GRM1: variants seen among roughly 807,000 people sequenced by gnomAD.
The protein encoded by GRM1 is metabotropic glutamate receptor 1.
A neutral mutation model predicts 90.9 loss-of-function variants in GRM1; 33 were observed. That is an observed-to-expected ratio of 0.36 (90% CI 0.28 to 0.49). The LOEUF (loss-of-function observed/expected upper bound fraction) is 0.49. Among genes scored for constraint, GRM1 ranks in the 20% least tolerant of loss-of-function variants. The pLI is 0.99. For synonymous variants in GRM1, 700 were observed against 613.2 expected (o/e 1.14, Z -2.09); for missense variants, 1,190 against 1,534.3 (o/e 0.78, Z 3.75).
chr6:146,190,727 C>T (rs1430481525), intron 2 of GRM1, among the ~76,000 whole-genome samples: 1 of 152,122 alleles, frequency 6.6e-6, no homozygotes, highest in Non-Finnish European at 1.5e-5. Context: ...CATCTCCATC[C>T]GTATTGCCAC....
intron 3 of GRM1, among the ~76,000 whole-genome samples, chr6:146,328,802 G>T (rs1172874008): frequency 6.6e-6 from 1 of 152,010 alleles, no homozygotes; most frequent in Non-Finnish European, 1.5e-5. Flanking sequence ...TCATCTCAGG[G>T]GAAATTTTTA....
chr6:146,170,242 C>T (rs189051454), intron 2 of GRM1, among the ~76,000 whole-genome samples: 41 of 152,152 alleles, frequency 2.7e-4, no homozygotes, highest in Non-Finnish European at 4.3e-4. Context: ...TATGCTGAGC[C>T]TTAATCTTCT....
intron 2 of GRM1, among the ~76,000 whole-genome samples, chr6:146,198,038 C>T (rs979967122): frequency 2.0e-5 from 3 of 152,148 alleles, no homozygotes; most frequent in South Asian, 2.1e-4. Flanking sequence ...TACAAGGACA[C>T]TTGGGGAGGT....
At chr6:146,125,701 CT>C (rs1461703846) in intron 1 of GRM1, among the ~76,000 whole-genome samples, 1 of 152,052 alleles carries the variant, frequency 6.6e-6, no homozygotes, top group African/African-American at 2.4e-5. Context: ...TTCCCCCCTC[CT>C]TTTCTCCATT....
At chr6:146,031,216 C>G (rs1313875515) in intron 1 of GRM1, among the ~76,000 whole-genome samples, 1 of 152,158 alleles carries the variant, frequency 6.6e-6, no homozygotes, top group Non-Finnish European at 1.5e-5. Flanking sequence ...CTCAGCTACT[C>G]TTAAGTCCCC....
intron 1 of GRM1, among the ~76,000 whole-genome samples, chr6:146,109,180 T>A (rs1291463267): frequency 1.3e-5 from 2 of 152,150 alleles, no homozygotes; most frequent in African/African-American, 4.8e-5. Context: ...GGGGAAAATG[T>A]CTCCAGAGCA....
chr6:146,257,847 A>G (rs1781543511), intron 2 of GRM1, among the ~76,000 whole-genome samples: 2 of 152,160 alleles, frequency 1.3e-5, no homozygotes, highest in African/African-American at 4.8e-5. Flanking sequence ...TGCAAATTTT[A>G]TTGGGAAACA....
At chr6:146,143,651 A>G (rs1776980914) in intron 1 of GRM1, among the ~76,000 whole-genome samples, 1 of 152,226 alleles carries the variant, frequency 6.6e-6, no homozygotes, top group South Asian at 2.1e-4. Flanking sequence ...CTGCACAACA[A>G]ATGCTTTCTC....
intron 3 of GRM1, among the ~76,000 whole-genome samples, chr6:146,326,716 A>G (rs1416877581): frequency 6.6e-6 from 1 of 152,228 alleles, no homozygotes; most frequent in Admixed American, 6.5e-5. Flanking sequence ...ATTAGCTAAC[A>G]ACATTGTAAA....
At chr6:146,382,799 CTG>C (rs1237000767) in intron 5 of GRM1, among the ~76,000 whole-genome samples, 2 of 152,048 alleles carry the variant, frequency 1.3e-5, no homozygotes, top group Non-Finnish European at 2.9e-5. Context: ...CATTTATTGG[CTG>C]TGTGTTATTG....
chr6:146,206,767 G>C (rs1779508409), intron 2 of GRM1, among the ~76,000 whole-genome samples: 1 of 151,846 alleles, frequency 6.6e-6, no homozygotes. Flanking sequence ...GTACTTTTGG[G>C]TACCCAGTTA....
intron 5 of GRM1, among the ~76,000 whole-genome samples, chr6:146,374,811 C>A (rs914820400): frequency 6.6e-6 from 1 of 151,818 alleles, no homozygotes; most frequent in Non-Finnish European, 1.5e-5. Context: ...TTTCAAAAAA[C>A]CAACTTTTTG....
chr6:146,168,367 A>G (rs190295958), intron 2 of GRM1, among the ~76,000 whole-genome samples: 336 of 152,118 alleles, frequency 2.2e-3, no homozygotes, highest in Non-Finnish European at 3.2e-3. Context: ...AGTTTATGAT[A>G]GTAAATTTCT....
intron 2 of GRM1, among the ~76,000 whole-genome samples, chr6:146,236,325 T>C (rs1365202699): frequency 6.6e-6 from 1 of 152,200 alleles, no homozygotes; most frequent in Non-Finnish European, 1.5e-5. Context: ...GAGTATTTTC[T>C]GTTTTAGAAT....
chr6:146,151,231 TC>T (rs958024765), intron 1 of GRM1, among the ~76,000 whole-genome samples: 2 of 152,138 alleles, frequency 1.3e-5, no homozygotes, highest in African/African-American at 4.8e-5. Context: ...TAGCAGATTC[TC>T]CAAAGGAAAA....
At chr6:146,247,099 C>G (rs1178098585) in intron 2 of GRM1, among the ~76,000 whole-genome samples, 1 of 152,178 alleles carries the variant, frequency 6.6e-6, no homozygotes, top group Non-Finnish European at 1.5e-5. Flanking sequence ...TCTCTGTAGG[C>G]CAGTTTCTCT....
chr6:146,035,876 T>C (rs994254879), intron 1 of GRM1, among the ~76,000 whole-genome samples: 4 of 151,976 alleles, frequency 2.6e-5, no homozygotes, highest in Admixed American at 2.0e-4. Flanking sequence ...AGAATTAGAG[T>C]GAAATCCAAA....
At chr6:146,347,518 A>ATCC (rs1429707878) in intron 3 of GRM1, among the ~76,000 whole-genome samples, 1 of 152,246 alleles carries the variant, frequency 6.6e-6, no homozygotes, top group Non-Finnish European at 1.5e-5. Context: ...CAAAGTTAGT[A>ATCC]TGCAAATATC....
At chr6:146,403,574 T>C (rs1055402469) in intron 7 of GRM1, among the ~76,000 whole-genome samples, 1 of 152,126 alleles carries the variant, frequency 6.6e-6, no homozygotes, top group African/African-American at 2.4e-5. Flanking sequence ...AATGGAATGA[T>C]GCTCAGAGGA....
Sources: gnomAD v4.1 joint callset for allele counts (sites outside exome capture counted in the v4.1 genomes callset) on GRCh38, gnomAD v4.1.1 for gene constraint, MANE v1.5 for transcripts, NCBI Gene and HGNC (gene_info 2026-07-23, HGNC 2026-07-21) for gene names.